The following CUX1 variants were observed in gnomAD, a reference collection of about 807,000 sequenced individuals.
CUX1 encodes the protein cut like homeobox 1, also known as protein CASP.
Under a neutral mutation model 158.8 loss-of-function variants are expected in CUX1, and 31 were observed. The observed-to-expected ratio is 0.20, with a 90% confidence interval of 0.15 to 0.26. The LOEUF is 0.26. CUX1 is among the 10% of genes least tolerant of loss of function. CUX1 has a pLI of 1.00. For missense variants in CUX1, 1,589 were observed against 2,014.6 expected, an observed-to-expected ratio of 0.79 and a Z score of 4.04; for synonymous variants, 879 against 862.1, an observed-to-expected ratio of 1.02 and a Z score of -0.34.
Position 101,869,610 on chromosome 7 carries a change from T to A in CUX1, c.31-46505T>A, listed in dbSNP as rs533843816. Among the ~76,000 whole-genome samples, 48 of 152,012 alleles carry A rather than the reference T, an allele frequency of 3.2e-4. No homozygotes were observed. Among genetic ancestry groups the A allele is most frequent in the African/African-American group, 1.1e-3 (44 of 41,462 alleles). ...CAGCACGTTAGAAGGTCAGCCAAGG[T>A]CAGGCGGCCAGCAGGGCGGGAGGAG... On this transcript the variant is annotated intron_variant, in intron 1 of 23. Transcript: ENST00000292535. The surrounding 1 kb of genome is among the most constrained non-coding windows in gnomAD (Gnocchi z 4.5).
At chr7:102,261,964 T>G (rs1790431855), downstream of CUX1, among the ~76,000 whole-genome samples, 1 of 152,042 alleles carries the variant, frequency 6.6e-6, no homozygotes, top group Non-Finnish European at 1.5e-5. Flanking sequence ...CGAAAATGTT[T>G]AAAATTCGCC....
intron 3 of CUX1, among the ~76,000 whole-genome samples, chr7:102,056,097 C>T (rs552635428): frequency 2.6e-5 from 4 of 152,234 alleles, no homozygotes; most frequent in African/African-American, 7.2e-5. Context: ...TGGAAGCTAG[C>T]GGAGGTTGAT....
At chr7:102,097,547 T>TCC in intron 5 of CUX1, 46 bp downstream of exon 5, 2 of 1,541,108 alleles carry the variant, frequency 1.3e-6, no homozygotes, top group African/African-American at 1.4e-5. Context: ...TTCTTTTTTT[T>TCC]CTCTTCTTTT....
intron 15 of CUX1, among the ~76,000 whole-genome samples, chr7:102,197,557 T>C (rs1266808851): frequency 6.6e-6 from 1 of 152,300 alleles, no homozygotes; most frequent in East Asian, 1.9e-4. Context: ...AGTATTTCAA[T>C]ACTAGAGATC....
At chr7:101,866,774 A>G (rs1485112270) in intron 1 of CUX1, among the ~76,000 whole-genome samples, 1 of 152,252 alleles carries the variant, frequency 6.6e-6, no homozygotes, top group Non-Finnish European at 1.5e-5. Flanking sequence ...GTCAGTGTAC[A>G]CAATACAAGG....
chr7:101,859,699 T>C lies in CUX1; in HGVS notation c.30+42030T>C, dbSNP rs569480778. ...TGCAGACTTGATAACTTGTTGAATA[T>C]GTTCCCTCTTCTTATTGAGCAATGG... On this transcript the variant is annotated intron_variant, in intron 1 of 23. Transcript: ENST00000292535. Among the ~76,000 whole-genome samples, 3 of 152,336 alleles carry C rather than the reference T, an allele frequency of 2.0e-5. No individual in the cohort carries two copies. In the East Asian group the frequency reaches 5.8e-4, roughly 29 times the overall value.
intron 20 of CUX1, among the ~76,000 whole-genome samples, chr7:102,220,809 T>C (rs10232710): frequency 6.6e-6 from 1 of 152,132 alleles, no homozygotes; most frequent in Non-Finnish European, 1.5e-5. Flanking sequence ...TATTTTATTT[T>C]ATTTACTTAT....
intron 21 of CUX1, among the ~76,000 whole-genome samples, chr7:102,227,921 G>T (rs1798513268): frequency 6.6e-6 from 1 of 151,404 alleles, no homozygotes; most frequent in South Asian, 2.1e-4. Context: ...GTGGACTCGG[G>T]AGGATCCACA....
intron 2 of CUX1, among the ~76,000 whole-genome samples, chr7:101,989,629 T>A (rs1814840300): frequency 6.6e-6 from 1 of 152,200 alleles, no homozygotes; most frequent in Admixed American, 6.5e-5. Flanking sequence ...GGATGGAAGC[T>A]GAGACTGGTG....
At chr7:101,888,162 C>T (rs563952393) in intron 1 of CUX1, among the ~76,000 whole-genome samples, 3 of 152,032 alleles carry the variant, frequency 2.0e-5, no homozygotes, top group South Asian at 2.1e-4. Context: ...GGCGAAACCC[C>T]GTCTCTACTA....
At chr7:102,275,222 C>G (rs1037254917) in intron 16 of CUX1, 9 of 1,568,092 alleles carry the variant, frequency 5.7e-6, no homozygotes, top group Non-Finnish European at 7.8e-6. Flanking sequence ...TGCCACCCCC[C>G]AAGCCACCCT....
At chr7:101,904,115 A>AG (rs1802473725) in intron 1 of CUX1, among the ~76,000 whole-genome samples, 2 of 116,910 alleles carry the variant, frequency 1.7e-5, no homozygotes, top group Non-Finnish European at 1.7e-5. Context: ...GTGTCTTTAC[A>AG]AAACACACAC....
In CUX1 at chr7:102,196,664, C is replaced by A. The variant is rs781908623; in HGVS notation, c.1253C>A (p.Pro418His). The A allele has an allele frequency of 1.3e-6, 2 of 1,588,166 alleles. No individual in the cohort carries two copies. The highest frequency in any genetic ancestry group is 1.7e-6 in the Non-Finnish European group (2 of 1,165,872). Residue 418 changes from proline to histidine, a missense_variant, in exon 15 of 24, where the codon CCT (proline) becomes CAT (histidine). Coordinates refer to ENST00000292535, the MANE Select transcript of CUX1 (RefSeq NM_181552.4). ...GSARRKGKDQ[P>H]ESRRPGSLPA... ...GCCAGGAGGAAAGGGAAAGACCAGCCTGAAAGTCGGCGCCCGGGATCTTTG... is the reference window on the plus strand; with the variant it reads ...GCCAGGAGGAAAGGGAAAGACCAGCATGAAAGTCGGCGCCCGGGATCTTTG...
intron 1 of CUX1, among the ~76,000 whole-genome samples, chr7:101,909,710 A>G (rs1290056066): frequency 6.6e-6 from 1 of 152,248 alleles, no homozygotes; most frequent in East Asian, 1.9e-4. Context: ...TAATAAAACA[A>G]GAATACTTGT....
intron 8 of CUX1, among the ~76,000 whole-genome samples, chr7:102,133,119 C>G (rs1409142372): frequency 5.9e-5 from 9 of 152,180 alleles, no homozygotes; most frequent in African/African-American, 2.2e-4. Context: ...ACCTGTCCCA[C>G]TTAAAATCTC....
At chr7:101,972,628 C>T (rs934842072) in intron 2 of CUX1, among the ~76,000 whole-genome samples, 1 of 152,180 alleles carries the variant, frequency 6.6e-6, no homozygotes. Flanking sequence ...TGTATTCACG[C>T]GCCCTCACCA....
intron 8 of CUX1, among the ~76,000 whole-genome samples, chr7:102,144,814 G>T (rs1473538314): frequency 6.6e-6 from 1 of 151,842 alleles, no homozygotes; most frequent in South Asian, 2.1e-4. Flanking sequence ...TAGGCTGGGC[G>T]CAATGGCTCA....
intron 1 of CUX1, among the ~76,000 whole-genome samples, chr7:101,894,792 C>T (rs1043606803): frequency 6.6e-6 from 1 of 152,060 alleles, no homozygotes; most frequent in Non-Finnish European, 1.5e-5. Context: ...GAGGAGGGTA[C>T]TGTTTAAGCA....
chr7:102,042,964 G>A (rs1585391049), intron 3 of CUX1, among the ~76,000 whole-genome samples: 2 of 151,862 alleles, frequency 1.3e-5, no homozygotes, highest in South Asian at 2.1e-4. Flanking sequence ...ATATTTTTTC[G>A]ATTTTAGTAA....
Sources: allele counts gnomAD v4.1 joint callset (sites outside exome capture counted in the v4.1 genomes callset), GRCh38; gene constraint gnomAD v4.1.1; non-coding constraint Gnocchi (gnomAD v3.1); transcripts MANE v1.5; gene names NCBI Gene and HGNC (gene_info 2026-07-23, HGNC 2026-07-21).